Variants in KNTC1 observed in about 807,000 individuals in gnomAD.
KNTC1 encodes kinetochore-associated protein 1.
KNTC1 carries 253 observed loss-of-function variants against 314.4 expected under a neutral mutation model. That is an observed-to-expected ratio of 0.80 (90% CI 0.73 to 0.89). KNTC1 has a LOEUF of 0.89. KNTC1 is among the 40% of genes least tolerant of loss of function. KNTC1 has a pLI of 0.00. For missense variants in KNTC1, 2,475 were observed against 2,572.9 expected (o/e 0.96, Z 0.82); for synonymous variants, 901 against 901.4 (o/e 1.00, Z 0.01).
chr12:122,612,072 T>TG (rs1566016131), intron 53 of KNTC1, among the ~76,000 whole-genome samples: 1 of 133,662 alleles, frequency 7.5e-6, no homozygotes, highest in African/African-American at 3.4e-5. Flanking sequence ...TTTTTTTGTG[T>TG]TTTTTTTTTT....
rs115775047 is a variant in KNTC1, at chr12:122,579,839, A to G, written c.2842-66A>G. On this transcript the variant is annotated intron_variant, in intron 31 of 63. Coordinates refer to ENST00000333479, the MANE Select transcript of KNTC1 (RefSeq NM_014708.6). ...GCTTCTGTGGTTTTTGTGTATTTGT[A>G]TATGTACTACTGAAGTGGTCAGAAA... 838 of 1,047,902 alleles carry G rather than the reference A, an allele frequency of 8.0e-4. 5 individuals are homozygous for G. The African/African-American group carries it at 0.013, about 16-fold the overall frequency. 64.9% of individuals were successfully genotyped at this position (1,047,902 alleles called of 1,614,324 possible).
chr12:122,585,234 G>T (rs1341770845), intron 36 of KNTC1, among the ~76,000 whole-genome samples: 5 of 151,924 alleles, frequency 3.3e-5, no homozygotes, highest in African/African-American at 9.7e-5. Flanking sequence ...CAGAGACAGG[G>T]TCTCACCATC....
At chr12:122,602,506 G>C in intron 45 of KNTC1, 63 bp from the exon 46 acceptor site, 1 of 1,019,504 alleles carries the variant, frequency 9.8e-7, no homozygotes, top group Non-Finnish European at 1.4e-6. Flanking sequence ...ACTATTAGAT[G>C]ATTTTATGAC....
chr12:122,577,642 T>G (rs950478096), intron 30 of KNTC1, 30 bp from the exon 31 acceptor site: 2 of 1,593,354 alleles, frequency 1.3e-6, no homozygotes, highest in African/African-American at 2.7e-5. Context: ...ATACCAGCTG[T>G]TTTTTCTTCC....
chr12:122,585,065 T>A, intron 36 of KNTC1, 75 bp downstream of exon 36: 1 of 816,000 alleles, frequency 1.2e-6, no homozygotes, highest in Admixed American at 2.2e-5. Context: ...TCGGACAGGG[T>A]TTTGTTCTGT....
intron 63 of KNTC1, among the ~76,000 whole-genome samples, chr12:122,625,440 G>A (rs758104688): frequency 8.6e-5 from 13 of 152,002 alleles, no homozygotes; most frequent in Non-Finnish European, 1.8e-4. Flanking sequence ...GGTGGTGGGA[G>A]CCTGTAATCC....
intron 13 of KNTC1, among the ~76,000 whole-genome samples, chr12:122,551,006 T>G (rs956724139): frequency 6.6e-6 from 1 of 152,202 alleles, no homozygotes; most frequent in Non-Finnish European, 1.5e-5. Context: ...CTGTTATGGG[T>G]GATTTTAAAT....
At chr12:122,557,240 T>C in intron 16 of KNTC1, 144 bp from the exon 17 acceptor site, 1 of 724,776 alleles carries the variant, frequency 1.4e-6, no homozygotes. Context: ...TATCTGAATG[T>C]TACTTTCTTT....
At position 122,587,874 on chromosome 12, in the gene KNTC1, G is replaced by C; in HGVS notation, c.3894G>C (p.Lys1298Asn). 1 of 1,612,268 alleles carries C rather than the reference G, an allele frequency of 6.2e-7. No homozygotes were observed. The highest frequency in any genetic ancestry group is 8.5e-7 in the Non-Finnish European group (1 of 1,179,156). ...SNFMNATLSE[K>N]LFGETTLVKS... ...TCATGAATGCCACTTTGAGTGAAAA[G>C]GTATAGTGTCAAGAACAAATACTTT... is the stretch of plus-strand genomic sequence containing the variant. Residue 1298 changes from lysine (K) to asparagine (N), a missense_variant and splice_region_variant, in exon 39 of 64, where the codon AAG becomes AAC. Coordinates refer to ENST00000333479, the MANE Select transcript of KNTC1 (RefSeq NM_014708.6).
intron 10 of KNTC1, among the ~76,000 whole-genome samples, chr12:122,547,159 G>A (rs1427067808): frequency 6.6e-6 from 1 of 151,872 alleles, no homozygotes; most frequent in Non-Finnish European, 1.5e-5. Context: ...TAATCATTAA[G>A]AAGACACGTA....
Position 122,585,778 on chromosome 12 carries a change from A to G in KNTC1, c.3673+4A>G. ...TCATCTCTTGTGCCTCTAGCTGGTAAGTCTTATTTGTATCATTATTTTCTA... is the reference window on the plus strand; with the variant it reads ...TCATCTCTTGTGCCTCTAGCTGGTAGGTCTTATTTGTATCATTATTTTCTA... On this transcript the variant is annotated splice_donor_region_variant and intron_variant, in intron 37 of 63. Transcript: ENST00000333479. The G allele has an allele frequency of 1.2e-6, 2 of 1,613,198 alleles. No individual in the cohort carries two copies. The highest frequency in any genetic ancestry group is 1.7e-6 in the Non-Finnish European group (2 of 1,179,262).
At chr12:122,577,610 A>G (rs1965114680) in intron 30 of KNTC1, 62 bp from the exon 31 acceptor site, 4 of 1,491,512 alleles carry the variant, frequency 2.7e-6, no homozygotes, top group Non-Finnish European at 2.7e-6. Flanking sequence ...AGAAAGAGGT[A>G]AGGCCACACC....
chr12:122,549,733 C>G (rs1963057059), intron 12 of KNTC1, 33 bp from the exon 13 acceptor site: 2 of 1,049,794 alleles, frequency 1.9e-6, no homozygotes, highest in Admixed American at 2.0e-5. Flanking sequence ...TTAAATTGAT[C>G]TGCTAAATTA....
At chr12:122,615,424 C>G in intron 56 of KNTC1, 46 bp from the exon 57 acceptor site, 1 of 1,424,400 alleles carries the variant, frequency 7.0e-7, no homozygotes, top group South Asian at 1.4e-5. Flanking sequence ...TTGAAATTTT[C>G]CATTTTGGTG....
intron 60 of KNTC1, 23 bp from the exon 61 acceptor site, chr12:122,621,858 A>G: frequency 6.9e-7 from 1 of 1,458,748 alleles, no homozygotes; most frequent in Non-Finnish European, 9.4e-7. Context: ...TTTTCTATTA[A>G]TTCTGCTTTG....
chr12:122,608,338 C>T (rs1314843611), intron 51 of KNTC1, among the ~76,000 whole-genome samples: 4 of 152,134 alleles, frequency 2.6e-5, no homozygotes, highest in African/African-American at 9.7e-5. Flanking sequence ...CCATGTTGCC[C>T]AGGCTGATCT....
intron 22 of KNTC1, 72 bp from the exon 23 acceptor site, chr12:122,570,800 AAAAG>A (rs1964634816): frequency 4.0e-6 from 4 of 992,884 alleles, no homozygotes; most frequent in Non-Finnish European, 6.0e-6. Context: ...TAAAGGAAAA[AAAAG>A]AAATCGTGGA....
intron 45 of KNTC1, 62 bp from the exon 46 acceptor site, chr12:122,602,507 A>G: frequency 9.6e-7 from 1 of 1,038,126 alleles, no homozygotes; most frequent in African/African-American, 1.6e-5. Context: ...CTATTAGATG[A>G]TTTTATGACA....
At chr12:122,589,681 A>C (rs1277012801) in intron 40 of KNTC1, among the ~76,000 whole-genome samples, 1 of 151,550 alleles carries the variant, frequency 6.6e-6, no homozygotes, top group African/African-American at 2.4e-5. Flanking sequence ...TGTGTTGCCC[A>C]GGCTGGTCTT....
Sources: allele counts gnomAD v4.1 joint callset (sites outside exome capture counted in the v4.1 genomes callset), GRCh38; gene constraint gnomAD v4.1.1; transcripts MANE v1.5; gene names NCBI Gene and HGNC (gene_info 2026-07-23, HGNC 2026-07-21).